ITPR2: variants seen among roughly 807,000 people sequenced by gnomAD.
The protein encoded by ITPR2 is inositol 1,4,5-trisphosphate receptor type 2, also known as inositol 1,4,5-trisphosphate-gated calcium channel ITPR2.
In ITPR2, 207 loss-of-function variants were observed where a neutral mutation model predicts 317.1. The observed-to-expected ratio is 0.65, with a 90% CI of 0.58 to 0.73. The LOEUF is 0.73. Among genes scored for constraint, ITPR2 ranks in the 30% least tolerant of loss-of-function variants. The pLI is 0.00. For missense variants in ITPR2, 2,613 were observed against 3,284.0 expected (o/e 0.80, Z 4.99); for synonymous variants, 1,156 against 1,149.1 (o/e 1.01, Z -0.12).
At chr12:26,339,665 A>G (rs1439816397) in intron 56 of ITPR2, among the ~76,000 whole-genome samples, 182 bp from the exon 57 acceptor site, 4 of 152,274 alleles carry the variant, frequency 2.6e-5, no homozygotes, top group African/African-American at 7.2e-5. Context: ...AAAAGAGCAA[A>G]CCCCTCTGTG....
chr12:26,583,713 T>C (rs1945456271), intron 32 of ITPR2, among the ~76,000 whole-genome samples: 1 of 152,172 alleles, frequency 6.6e-6, no homozygotes. Flanking sequence ...TTACCTGAGG[T>C]TTGTCTTATA....
chr12:26,372,553 G>T (rs1048394124), intron 55 of ITPR2, among the ~76,000 whole-genome samples: 7 of 152,076 alleles, frequency 4.6e-5, no homozygotes, highest in Non-Finnish European at 1.0e-4. Flanking sequence ...CCACCACATC[G>T]CACTGTGTCT....
At chr12:26,687,192 G>A (rs1024692780) in intron 10 of ITPR2, among the ~76,000 whole-genome samples, 6 of 152,156 alleles carry the variant, frequency 3.9e-5, no homozygotes, top group African/African-American at 1.2e-4. Flanking sequence ...AGCCTTCATA[G>A]TGATGTGGAA....
chr12:26,594,880 C>T (rs1455231944), intron 32 of ITPR2, among the ~76,000 whole-genome samples: 1 of 152,132 alleles, frequency 6.6e-6, no homozygotes. Context: ...TAGAAAATGC[C>T]AACCAGCTCC....
chr12:26,414,135 A>G (rs892682305), intron 51 of ITPR2, among the ~76,000 whole-genome samples: 2 of 151,986 alleles, frequency 1.3e-5, no homozygotes, highest in African/African-American at 4.8e-5. Flanking sequence ...GAAAAGTAAC[A>G]TTTAAGGAAG....
At chr12:26,503,190 A>AACACACACAC (rs57271500) in intron 37 of ITPR2, among the ~76,000 whole-genome samples, 31,374 of 138,952 alleles carry the variant, frequency 0.23, 4,073 homozygotes, top group East Asian at 0.39. Context: ...GCCCCCCACC[A>AACACACACAC]ACACACACAC....
At position 26,521,570 on chromosome 12, in the gene ITPR2, A is replaced by G. The variant is rs552105702; in HGVS notation, c.5074-26310T>C. ...GGTCATCAAGCATGTAGGTTTACAG[A>G]CTTAATTTGGCCTTTTCAAACACTT... On this transcript the variant is annotated intron_variant, in intron 37 of 56. Coordinates refer to ENST00000381340, the MANE Select transcript of ITPR2 (RefSeq NM_002223.4). Among the ~76,000 whole-genome samples the G allele has an allele frequency of 2.0e-5, 3 of 152,250 alleles. 1 individual carries two copies. The highest frequency in any genetic ancestry group is 7.2e-5 in the African/African-American group (3 of 41,550).
chr12:26,373,095 A>T (rs1565493139), intron 55 of ITPR2, among the ~76,000 whole-genome samples: 1 of 152,156 alleles, frequency 6.6e-6, no homozygotes, highest in Non-Finnish European at 1.5e-5. Context: ...TCCACATATG[A>T]TCCCCCCAAG....
At chr12:26,820,089 C>G (rs572492431) in intron 1 of ITPR2, among the ~76,000 whole-genome samples, 80 of 152,090 alleles carry the variant, frequency 5.3e-4, no homozygotes, top group African/African-American at 1.8e-3. Flanking sequence ...AAAGAAAAGG[C>G]CATGTACATT....
At chr12:26,721,894 G>A (rs1381473118) in intron 5 of ITPR2, among the ~76,000 whole-genome samples, 1 of 152,024 alleles carries the variant, frequency 6.6e-6, no homozygotes, top group African/African-American at 2.4e-5. Context: ...ACAACATATT[G>A]TAAACATAGT....
intron 35 of ITPR2, among the ~76,000 whole-genome samples, chr12:26,560,125 A>G (rs1213018239): frequency 1.3e-5 from 2 of 152,198 alleles, no homozygotes; most frequent in Non-Finnish European, 1.5e-5. Flanking sequence ...GAAGTTTACT[A>G]AAAGAAGTTT....
At chr12:26,494,771 GAAAAAAAAAA>G (rs71069245) in intron 38 of ITPR2, among the ~76,000 whole-genome samples, 1 of 50,350 alleles carries the variant, frequency 2.0e-5, no homozygotes, top group African/African-American at 9.3e-5. Context: ...CTCTGCCTCA[GAAAAAAAAAA>G]AAAAAAAAAA....
chr12:26,581,074 T>C (rs1404480922), intron 32 of ITPR2, among the ~76,000 whole-genome samples: 1 of 152,184 alleles, frequency 6.6e-6, no homozygotes, highest in Admixed American at 6.6e-5. Flanking sequence ...GTTGGTAATA[T>C]GGTGGCCAGA....
At chr12:26,384,431 T>C (rs1460799256) in intron 55 of ITPR2, among the ~76,000 whole-genome samples, 1 of 152,212 alleles carries the variant, frequency 6.6e-6, no homozygotes, top group Admixed American at 6.5e-5. Flanking sequence ...GCTTGTTCTC[T>C]TGGATGTGCA....
intron 9 of ITPR2, among the ~76,000 whole-genome samples, chr12:26,710,643 A>G (rs890651327): frequency 6.6e-6 from 1 of 152,214 alleles, no homozygotes; most frequent in African/African-American, 2.4e-5. Flanking sequence ...CATCCTTCAT[A>G]TCTGTCTGTC....
chr12:26,712,718 T>G (rs1487685805), intron 8 of ITPR2, among the ~76,000 whole-genome samples: 5 of 152,048 alleles, frequency 3.3e-5, no homozygotes, highest in African/African-American at 1.2e-4. Flanking sequence ...ACAAATGATC[T>G]GAAGATCCCA....
intron 14 of ITPR2, among the ~76,000 whole-genome samples, chr12:26,664,496 T>G (rs952129060): frequency 6.6e-6 from 1 of 152,156 alleles, no homozygotes; most frequent in Non-Finnish European, 1.5e-5. Context: ...GGAATATAAC[T>G]CTTTTCGGCA....
intron 34 of ITPR2, among the ~76,000 whole-genome samples, chr12:26,575,412 G>A (rs1388135698): frequency 4.6e-5 from 7 of 151,892 alleles, no homozygotes; most frequent in Non-Finnish European, 2.9e-5. Flanking sequence ...GCCACGATGC[G>A]GGGAAGGGGA....
chr12:26,589,853 T>TATATATATAC (rs780511857), intron 32 of ITPR2, among the ~76,000 whole-genome samples: 1 of 57,304 alleles, frequency 1.7e-5, no homozygotes, highest in East Asian at 3.1e-4. Flanking sequence ...TATATATATA[T>TATATATATAC]ACACACACAC....
Sources: allele counts gnomAD v4.1 joint callset (sites outside exome capture counted in the v4.1 genomes callset), GRCh38; gene constraint gnomAD v4.1.1; transcripts MANE v1.5; gene names NCBI Gene and HGNC (gene_info 2026-07-23, HGNC 2026-07-21).